SAFB2: variants seen among roughly 807,000 people sequenced by gnomAD.
The protein encoded by SAFB2 is scaffold attachment factor B2.
In SAFB2, 32 loss-of-function variants were observed where a neutral mutation model predicts 100.6. That is an observed-to-expected ratio of 0.32 (90% CI 0.24 to 0.43). SAFB2 has a LOEUF of 0.43. Among genes scored for constraint, SAFB2 ranks in the 20% least tolerant of loss-of-function variants. SAFB2 has a pLI of 1.00. For missense variants in SAFB2, 1,185 were observed against 1,163.4 expected (o/e 1.02, Z -0.27); for synonymous variants, 500 against 439.4 (o/e 1.14, Z -1.72).
intron 9 of SAFB2, among the ~76,000 whole-genome samples, chr19:5,607,510 A>C (rs2052802534): frequency 6.6e-6 from 1 of 152,236 alleles, no homozygotes; most frequent in Non-Finnish European, 1.5e-5. Context: ...TGTGTACTGT[A>C]ATCCTACAGT....
At chr19:5,600,101 T>C in intron 12 of SAFB2, 29 bp downstream of exon 12, 1 of 1,600,966 alleles carries the variant, frequency 6.2e-7, no homozygotes, top group East Asian at 2.2e-5. Context: ...GGCCTTCCCC[T>C]TCCACAGCTC....
In SAFB2 at chr19:5,594,056, C is replaced by A. The variant is rs755827179; in HGVS notation, c.2042G>T (p.Arg681Leu). ...GCGCTCCAGCCGCTCCCGCTCCATG[C>A]GCTCCCGCTCCAGCCGCTGGCGCTG... ...ECQRQRLERE[R>L]MERERLERER... The change falls in exon 15 of 21, where the codon CGC becomes CTC. Residue 681 changes from arginine (R) to leucine (L), a missense_variant. By Grantham distance (102) the Arg-to-Leu change is moderately radical. This residue lies in a region of SAFB2 where 740 missense variants were observed against 687.1 expected (regional missense o/e 1.08). Coordinates refer to ENST00000252542, the MANE Select transcript of SAFB2 (RefSeq NM_014649.3). 6.3e-7 allele frequency: 1 copy of A among 1,586,548 alleles called. No homozygotes were observed. Among genetic ancestry groups the A allele is most frequent in the Non-Finnish European group, 8.5e-7 (1 of 1,172,210 alleles).
chr19:5,616,643 C>CTTT lies in SAFB2; in HGVS notation c.275-160_275-158dup, dbSNP rs60033130. On this transcript the variant is annotated intron_variant, in intron 2 of 20. Transcript: ENST00000252542. Reference sequence around the variant, plus strand: ...ACGTAATTTTGTCTCAATTTGTTTTCTTTTTTTTTTTTTTTTTTTTTTTTT... The same window carrying CTTT: ...ACGTAATTTTGTCTCAATTTGTTTTCTTTTTTTTTTTTTTTTTTTTTTTTTTTT... Among the ~76,000 whole-genome samples the CTTT allele has an allele frequency of 1.5e-4, 11 of 72,806 alleles. 1 individual carries two copies. Among genetic ancestry groups the CTTT allele is most frequent in the South Asian group, 6.8e-4 (1 of 1,468 alleles). 47.8% of individuals were successfully genotyped at this position (72,806 alleles called of 152,430 possible).
Position 5,616,338 on chromosome 19 carries a change from G to T in SAFB2, c.340-3C>A. 6.2e-7 allele frequency: 1 copy of T among 1,613,888 alleles called. No homozygotes were observed. The highest frequency in any genetic ancestry group is 8.5e-7 in the Non-Finnish European group (1 of 1,179,870). ...TCCAGACTTGCTTCCATGTCCTCCT[G>T]TAAAGAGGAAGAAGAATCGTTAACG... On this transcript the variant is annotated splice_polypyrimidine_tract_variant and splice_region_variant and intron_variant, in intron 3 of 20. Coordinates refer to ENST00000252542, the MANE Select transcript of SAFB2 (RefSeq NM_014649.3).
intron 17 of SAFB2, chr19:5,591,272 C>CTTTTTTTTTTTTT (rs1199975803): frequency 8.5e-6 from 1 of 118,302 alleles, no homozygotes. Context: ...AATATTTGCG[C>CTTTTTTTTTTTTT]TTTTTTTTTT....
intron 13 of SAFB2, among the ~76,000 whole-genome samples, chr19:5,596,723 C>G (rs2052543160): frequency 6.6e-6 from 1 of 152,146 alleles, no homozygotes; most frequent in Admixed American, 6.5e-5. Flanking sequence ...TCCAGGGCCC[C>G]TCACCCAAAC....
chr19:5,621,842 G>T (rs1345795388), intron 1 of SAFB2, among the ~76,000 whole-genome samples: 3 of 152,220 alleles, frequency 2.0e-5, no homozygotes, highest in African/African-American at 7.2e-5. Flanking sequence ...GTCCAGGACT[G>T]GGTACCCACA....
chr19:5,601,368 C>A (rs978960739), intron 11 of SAFB2, among the ~76,000 whole-genome samples: 4 of 152,120 alleles, frequency 2.6e-5, no homozygotes, highest in African/African-American at 9.7e-5. Flanking sequence ...ACGAACGAGG[C>A]CATACTTCAT....
intron 13 of SAFB2, among the ~76,000 whole-genome samples, chr19:5,595,798 A>G (rs572660275): frequency 2.0e-5 from 3 of 152,370 alleles, no homozygotes; most frequent in South Asian, 2.1e-4. Flanking sequence ...AAGGACTCAC[A>G]TAATCCAAAG....
At chr19:5,597,320 G>A (rs1199575176) in intron 13 of SAFB2, among the ~76,000 whole-genome samples, 1 of 152,146 alleles carries the variant, frequency 6.6e-6, no homozygotes, top group Non-Finnish European at 1.5e-5. Flanking sequence ...AATCCAGCAA[G>A]TTTGGAAGAT....
intron 11 of SAFB2, among the ~76,000 whole-genome samples, 180 bp from the exon 12 acceptor site, chr19:5,600,440 G>T (rs888314748): frequency 6.6e-6 from 1 of 152,168 alleles, no homozygotes; most frequent in African/African-American, 2.4e-5. Context: ...TTTAGATACA[G>T]GCTGTATTCC....
At chr19:5,613,793 A>G in intron 4 of SAFB2, 1 of 963,640 alleles carries the variant, frequency 1.0e-6, no homozygotes, top group Non-Finnish European at 1.2e-6. Flanking sequence ...TTTCCCAGGC[A>G]GTTTCTAAGT....
At chr19:5,621,949 G>A (rs1347238396) in intron 1 of SAFB2, among the ~76,000 whole-genome samples, 2 of 152,254 alleles carry the variant, frequency 1.3e-5, no homozygotes, top group African/African-American at 4.8e-5. Flanking sequence ...TTTCAGCGAG[G>A]TGCGACACAA....
chr19:5,593,960 C>A lies in SAFB2; in HGVS notation c.2138G>T (p.Arg713Leu), dbSNP rs1471794621. 1.3e-6 allele frequency: 2 copies of A among 1,550,574 alleles called. No individual in the cohort carries two copies. Among genetic ancestry groups the A allele is most frequent in the Non-Finnish European group, 8.7e-7 (1 of 1,155,952 alleles). Residue 713 changes from arginine to leucine, a missense_variant, in exon 15 of 21, where the codon CGG becomes CTG. Arg to Leu is a moderately radical substitution (Grantham distance 102). This residue lies in a region of SAFB2 where 740 missense variants were observed against 687.1 expected (regional missense o/e 1.08). Coordinates refer to ENST00000252542, the MANE Select transcript of SAFB2 (RefSeq NM_014649.3). Reference sequence around the variant, plus strand: ...GTAACGCAGCTGCTCCTGCTGGCGCCGCAGCTCCTCGCGCTCGCGGTGGAT... The same window carrying A: ...GTAACGCAGCTGCTCCTGCTGGCGCAGCAGCTCCTCGCGCTCGCGGTGGAT... ...ERIHREREEL[R>L]RQQEQLRYEQ...
chr19:5,590,348 G>T lies in SAFB2; in HGVS notation c.2455C>A (p.Arg819Ser). The part of the protein sequence containing the change: ...GPPERHGRDS[R>S]DGWGGYGSDK... ...GAGCCGTAGCCCCCCCAGCCATCAC[G>T]GGAGTCCCGGCCGTGGCGCTCTGGG... is the stretch of plus-strand genomic sequence containing the variant. Residue 819 changes from arginine to serine, a missense_variant, in exon 18 of 21, where the codon CGT becomes AGT. By Grantham distance (110) the Arg-to-Ser change is moderately radical. Transcript: ENST00000252542. 1 of 1,611,174 alleles carries T rather than the reference G, an allele frequency of 6.2e-7. No individual in the cohort carries two copies. The highest frequency in any genetic ancestry group is 2.2e-5 in the East Asian group (1 of 44,722).
intron 4 of SAFB2, among the ~76,000 whole-genome samples, chr19:5,615,196 T>C (rs1476645644): frequency 1.3e-5 from 2 of 151,838 alleles, no homozygotes; most frequent in Non-Finnish European, 2.9e-5. Context: ...CTACTAAAAA[T>C]ATAAAAAAAT....
intron 2 of SAFB2, among the ~76,000 whole-genome samples, chr19:5,620,582 T>A (rs540764540): frequency 2.0e-5 from 3 of 152,372 alleles, no homozygotes; most frequent in Admixed American, 6.5e-5. Context: ...AATGGCCATA[T>A]GTTGTACAAT....
At chr19:5,608,143 T>G (rs1417005630) in intron 9 of SAFB2, among the ~76,000 whole-genome samples, 2 of 152,166 alleles carry the variant, frequency 1.3e-5, no homozygotes, top group Non-Finnish European at 2.9e-5. Context: ...CCTACGTCCT[T>G]CTGTTTTTGT....
chr19:5,598,766 C>T, intron 13 of SAFB2, 27 bp downstream of exon 13: 1 of 1,597,094 alleles, frequency 6.3e-7, no homozygotes, highest in Non-Finnish European at 8.6e-7. Flanking sequence ...AAACAGCTGG[C>T]CCTGAGATGG....
Sources: allele counts gnomAD v4.1 joint callset (sites outside exome capture counted in the v4.1 genomes callset), GRCh38; gene constraint gnomAD v4.1.1; regional missense constraint gnomAD v4.1.1; transcripts MANE v1.5; gene names NCBI Gene and HGNC (gene_info 2026-07-23, HGNC 2026-07-21).